CLIP4: variants seen among roughly 807,000 people sequenced by gnomAD.
CLIP4 encodes CAP-Gly domain-containing linker protein 4.
In CLIP4, 47 loss-of-function variants were observed where a neutral mutation model predicts 73.1. The ratio of observed to expected loss-of-function variants is 0.64; its 90% CI spans 0.51 to 0.82. The LOEUF (loss-of-function observed/expected upper bound fraction) is 0.82. Ranked by LOEUF, CLIP4 falls within the 40% of genes least tolerant of loss-of-function variation. The pLI is 0.00. For synonymous variants in CLIP4, 306 were observed against 295.4 expected (o/e 1.04, Z -0.37); for missense variants, 874 against 852.9 (o/e 1.02, Z -0.31).
At chr2:29,116,578 T>G (rs888005158) in intron 1 of CLIP4, among the ~76,000 whole-genome samples, 2 of 152,206 alleles carry the variant, frequency 1.3e-5, no homozygotes, top group Admixed American at 1.3e-4. Flanking sequence ...CAGCACAGGA[T>G]CACGTGGTGC....
chr2:29,140,023 AGTTT>A (rs1426323252), intron 6 of CLIP4, among the ~76,000 whole-genome samples: 13 of 151,450 alleles, frequency 8.6e-5, no homozygotes, highest in African/African-American at 2.7e-4. Flanking sequence ...CTTTGGGTTT[AGTTT>A]GTTCTTATTT....
In CLIP4 at chr2:29,181,662, C is replaced by A. The variant is rs887604429; in HGVS notation, c.1887C>A (p.Val629=). 1.2e-6 allele frequency: 2 copies of A among 1,614,174 alleles called. No homozygotes were observed. The highest frequency in any genetic ancestry group is 2.2e-5 in the South Asian group (2 of 91,078). The part of the protein sequence containing the change: ...GSVKLHEGSQ[V]LLTSSNEMGT... ...TGAAGCTGCACGAGGGGTCTCAGGT[C>A]CTGCTCACGAGCTCCAATGAGATGG... The change falls in exon 16 of 16, where the codon GTC becomes GTA. Residue 629 remains valine, a synonymous_variant. Transcript: ENST00000320081.
In CLIP4 at chr2:29,181,605, C is replaced by T. The variant is rs1438416032; in HGVS notation, c.1830C>T (p.Ser610=). The T allele has an allele frequency of 6.2e-7, 1 of 1,612,230 alleles. No homozygotes were observed. Among genetic ancestry groups the T allele is most frequent in the Admixed American group, 1.7e-5 (1 of 59,910 alleles). Reference sequence around the variant, plus strand: ...CTGCTTTGCGTCGCAGTTGGAGCAGCACCCCCACCGCAGGTGGCATTGAAG... The same window carrying T: ...CTGCTTTGCGTCGCAGTTGGAGCAGTACCCCCACCGCAGGTGGCATTGAAG... ...SKAALRRSWS[S]TPTAGGIEGS... is the part of the protein sequence containing the mutation. The change falls in exon 16 of 16, where the codon AGC becomes AGT. Residue 610 remains serine (S), a synonymous_variant. Transcript: ENST00000320081.
intron 1 of CLIP4, among the ~76,000 whole-genome samples, chr2:29,098,993 C>T (rs910852747): frequency 6.6e-6 from 1 of 152,212 alleles, no homozygotes; most frequent in African/African-American, 2.4e-5. Context: ...TGCTTATTTG[C>T]TATTTGTATA....
At chr2:29,123,822 C>T (rs1404560446) in intron 2 of CLIP4, among the ~76,000 whole-genome samples, 4 of 152,114 alleles carry the variant, frequency 2.6e-5, no homozygotes, top group Non-Finnish European at 5.9e-5. Flanking sequence ...AGAAACCAGT[C>T]CACAGAAACC....
intron 8 of CLIP4, among the ~76,000 whole-genome samples, chr2:29,150,195 C>T (rs904529184): frequency 6.6e-6 from 1 of 152,158 alleles, no homozygotes; most frequent in South Asian, 2.1e-4. Flanking sequence ...ATTAATTTAG[C>T]CTTCTACCCC....
chr2:29,100,554 C>T (rs1311888535), intron 1 of CLIP4, among the ~76,000 whole-genome samples: 4 of 151,588 alleles, frequency 2.6e-5, no homozygotes, highest in Non-Finnish European at 5.9e-5. Context: ...TGTTCCCTAC[C>T]CCCATGAAGT....
intron 6 of CLIP4, among the ~76,000 whole-genome samples, chr2:29,139,689 T>G (rs187429966): frequency 3.0e-4 from 45 of 152,280 alleles, no homozygotes; most frequent in Non-Finnish European, 5.9e-4. Flanking sequence ...GGGTTTCACT[T>G]TCTTCCTGGT....
chr2:29,152,592 A>G, intron 8 of CLIP4, 93 bp from the exon 9 acceptor site: 2 of 1,334,624 alleles, frequency 1.5e-6, no homozygotes, highest in Non-Finnish European at 2.1e-6. Context: ...CTAAAGGTTT[A>G]TATTAAAGAT....
At position 29,143,997 on chromosome 2, in the gene CLIP4, TA is replaced by T. The variant is rs1281483178; in HGVS notation, c.885+53del. 3 of 1,451,858 alleles carry T rather than the reference TA, an allele frequency of 2.1e-6. No individual in the cohort carries two copies. The South Asian group carries it at 3.5e-5, about 17-fold the overall frequency. The allele number at this position is 1,451,858 out of a possible 1,614,324, so 89.9% of individuals were successfully genotyped here. On this transcript the variant is annotated intron_variant, in intron 7 of 15. Transcript: ENST00000320081. Reference sequence around the variant, plus strand: ...AGCCAGGGTTGTTATGTCCATGACCTATGTTCAAGGACACAGTATGGTCAGA... The same window carrying T: ...AGCCAGGGTTGTTATGTCCATGACCTTGTTCAAGGACACAGTATGGTCAGA...
At chr2:29,144,255 C>T (rs79797728) in intron 7 of CLIP4, among the ~76,000 whole-genome samples, 11,974 of 152,038 alleles carry the variant, frequency 0.079, 513 homozygotes, top group African/African-American at 0.11. Context: ...CTTTGCAGTC[C>T]CCTCTTTCCC....
At chr2:29,151,920 C>T (rs1352285240) in intron 8 of CLIP4, among the ~76,000 whole-genome samples, 3 of 152,008 alleles carry the variant, frequency 2.0e-5, no homozygotes, top group Admixed American at 6.6e-5. Flanking sequence ...TTTGTACTCC[C>T]AGCTGCTGCA....
At chr2:29,136,973 C>T (rs1464204859) in intron 6 of CLIP4, among the ~76,000 whole-genome samples, 4 of 151,566 alleles carry the variant, frequency 2.6e-5, no homozygotes, top group South Asian at 2.1e-4. Flanking sequence ...AAAAGGTAAA[C>T]GTATGGGTCA....
intron 9 of CLIP4, among the ~76,000 whole-genome samples, chr2:29,155,972 G>T (rs1424828444): frequency 6.6e-6 from 1 of 152,176 alleles, no homozygotes; most frequent in Non-Finnish European, 1.5e-5. Flanking sequence ...CATTTCATAA[G>T]TACTCTGTTC....
intron 1 of CLIP4, among the ~76,000 whole-genome samples, chr2:29,116,225 C>G (rs1268430426): frequency 2.0e-5 from 3 of 152,292 alleles, no homozygotes; most frequent in East Asian, 1.9e-4. Flanking sequence ...GAGCTGAGCC[C>G]GCATCCTTAA....
upstream of CLIP4, among the ~76,000 whole-genome samples, chr2:29,112,054 C>A (rs115035988): frequency 7.9e-3 from 1,206 of 152,236 alleles, 14 homozygotes; most frequent in African/African-American, 0.027. Context: ...TGTGGTACCA[C>A]CTTTGTGTAA....
chr2:29,127,542 C>T (rs956592719), intron 2 of CLIP4, among the ~76,000 whole-genome samples: 1 of 152,030 alleles, frequency 6.6e-6, no homozygotes, highest in African/African-American at 2.4e-5. Flanking sequence ...TTAAAGAACC[C>T]GCAATATTTC....
At chr2:29,136,913 G>C (rs1665406022) in intron 6 of CLIP4, among the ~76,000 whole-genome samples, 1 of 150,886 alleles carries the variant, frequency 6.6e-6, no homozygotes, top group Non-Finnish European at 1.5e-5. Context: ...ATTTAGGCCA[G>C]AAGCAGATTA....
chr2:29,157,372 C>T (rs568225447), intron 11 of CLIP4, 25 bp downstream of exon 11: 1 of 1,613,840 alleles, frequency 6.2e-7, no homozygotes, highest in East Asian at 2.2e-5. Context: ...TTCAACCAGG[C>T]TTTCTTGGTG....
Sources: allele counts gnomAD v4.1 joint callset (sites outside exome capture counted in the v4.1 genomes callset), GRCh38; gene constraint gnomAD v4.1.1; transcripts MANE v1.5; gene names NCBI Gene and HGNC (gene_info 2026-07-23, HGNC 2026-07-21).